Variants in ZNF577 observed in about 807,000 individuals in gnomAD.
ZNF577 encodes zinc finger protein 577.
ZNF577 carries 14 observed loss-of-function variants against 13.9 expected under a neutral mutation model. The observed-to-expected ratio is 1.00, with a 90% confidence interval of 0.66 to 1.57. ZNF577 has a LOEUF of 1.57. Ranked by LOEUF, ZNF577 falls within the 40% of genes most tolerant of loss-of-function variation. The pLI is 0.00. For missense variants in ZNF577, 555 were observed against 579.2 expected, an observed-to-expected ratio of 0.96 and a Z score of 0.43; for synonymous variants, 203 against 202.9, an observed-to-expected ratio of 1.00 and a Z score of 0.00.
At chr19:51,816,340 TG>T (rs1408400396) in intron 9 of ZNF577, among the ~76,000 whole-genome samples, 2 of 152,210 alleles carry the variant, frequency 1.3e-5, no homozygotes, top group African/African-American at 4.8e-5. Flanking sequence ...CTCTTCTTCC[TG>T]GGTTCAAATG....
intron 5 of ZNF577, among the ~76,000 whole-genome samples, chr19:51,857,414 G>GAA (rs879678980): frequency 2.1e-4 from 24 of 113,230 alleles, no homozygotes; most frequent in South Asian, 7.8e-4. Flanking sequence ...AAGAAAGAAA[G>GAA]AAAGAAAGAA....
At chr19:51,874,318 G>T (rs1021716936) in intron 5 of ZNF577, among the ~76,000 whole-genome samples, 1 of 152,084 alleles carries the variant, frequency 6.6e-6, no homozygotes, top group African/African-American at 2.4e-5. Flanking sequence ...GAATCAACAG[G>T]TATGCAAAGA....
intron 10 of ZNF577, among the ~76,000 whole-genome samples, chr19:51,806,369 T>C (rs537734953): frequency 1.3e-5 from 2 of 152,336 alleles, no homozygotes; most frequent in East Asian, 3.9e-4. Flanking sequence ...TTGTCCTTCT[T>C]CTGGGGATTT....
chr19:51,828,626 G>A (rs1306636742), intron 9 of ZNF577, among the ~76,000 whole-genome samples: 3 of 152,028 alleles, frequency 2.0e-5, no homozygotes, highest in Admixed American at 1.3e-4. Flanking sequence ...ATGATATATT[G>A]TGGGTTCAGG....
intron 5 of ZNF577, among the ~76,000 whole-genome samples, chr19:51,876,802 C>T (rs971230925): frequency 1.3e-5 from 2 of 151,968 alleles, no homozygotes; most frequent in African/African-American, 4.8e-5. Flanking sequence ...GTGGCCGGCA[C>T]CTGTAATCCC....
intron 8 of ZNF577, chr19:51,840,719 A>T (rs2084315579): frequency 6.6e-6 from 1 of 152,208 alleles, no homozygotes; most frequent in Non-Finnish European, 1.5e-5. Context: ...TATGAAAAGA[A>T]TGAACTTCAA....
chr19:51,824,946 T>C lies in ZNF577; in HGVS notation c.*600-13272A>G. 2 of 724,082 alleles carry C rather than the reference T, an allele frequency of 2.8e-6. No individual in the cohort carries two copies. Among genetic ancestry groups the C allele is most frequent in the Non-Finnish European group, 4.6e-6 (2 of 437,486 alleles). 44.9% of individuals were successfully genotyped at this position (724,082 alleles called of 1,614,324 possible). The stretch of plus-strand genomic sequence containing the variant: ...ACATAAAGGAAGTCTGTACCAAATC[T>C]GTAGGGGGTTTTTCCCACAACCAAG... On this transcript the variant is annotated intron_variant and NMD_transcript_variant, in intron 9 of 10. Coordinates refer to the ZNF577 transcript ENST00000638827. The surrounding 1 kb of genome is among the most constrained non-coding windows in gnomAD (Gnocchi z 4.7).
At chr19:51,859,036 C>A (rs943578721) in intron 5 of ZNF577, among the ~76,000 whole-genome samples, 1 of 152,096 alleles carries the variant, frequency 6.6e-6, no homozygotes, top group Non-Finnish European at 1.5e-5. Context: ...CACTAATTTG[C>A]TTTATTTCTC....
At chr19:51,865,004 CT>C (rs2122620208), downstream of ZNF577, among the ~76,000 whole-genome samples, 1 of 152,330 alleles carries the variant, frequency 6.6e-6, no homozygotes, top group Non-Finnish European at 1.5e-5. Context: ...AAAATGAAGT[CT>C]TCTCAGCTCT....
chr19:51,857,396 AAGAAAGAAAG>A (rs1260826580), intron 5 of ZNF577, among the ~76,000 whole-genome samples: 1 of 123,066 alleles, frequency 8.1e-6, no homozygotes, highest in Non-Finnish European at 1.6e-5. Flanking sequence ...GAAAGAAAGA[AAGAAAGAAAG>A]AAAGAAAGAA....
intron 5 of ZNF577, among the ~76,000 whole-genome samples, chr19:51,846,073 G>A (rs1252564185): frequency 6.6e-6 from 1 of 151,872 alleles, no homozygotes; most frequent in African/African-American, 2.4e-5. Flanking sequence ...GAGTGCAGTG[G>A]CACTGTCATG....
At chr19:51,847,601 G>C (rs2084359406) in intron 5 of ZNF577, among the ~76,000 whole-genome samples, 1 of 152,048 alleles carries the variant, frequency 6.6e-6, no homozygotes, top group South Asian at 2.1e-4. Flanking sequence ...GATATTTCAC[G>C]AGAAACGAGA....
downstream of ZNF577, chr19:51,863,266 T>G (rs551025781): frequency 1.1e-4 from 16 of 152,344 alleles, no homozygotes; most frequent in African/African-American, 3.8e-4. Flanking sequence ...AAGAATTGGT[T>G]ATAATTAGCA....
At chr19:51,861,827 C>A (rs1348905017) in intron 5 of ZNF577, 1 of 152,552 alleles carries the variant, frequency 6.6e-6, no homozygotes. Context: ...TGTATGAATT[C>A]TCTAATGTAC....
intron 10 of ZNF577, among the ~76,000 whole-genome samples, chr19:51,809,667 G>T (rs1374151427): frequency 6.6e-6 from 1 of 152,188 alleles, no homozygotes; most frequent in Non-Finnish European, 1.5e-5. Flanking sequence ...GTAATGCCCT[G>T]TAAGTTAAGG....
downstream of ZNF577, among the ~76,000 whole-genome samples, chr19:51,864,197 T>C (rs1422851116): frequency 1.3e-5 from 2 of 152,232 alleles, no homozygotes; most frequent in Admixed American, 1.3e-4. Context: ...TCATATAGCA[T>C]TTTTTAGACC....
rs188234431 is a variant in ZNF577, at chr19:51,871,598, G to A, written c.*934C>T. 1.8e-4 allele frequency: 27 copies of A among 152,250 alleles called. No individual in the cohort carries two copies. The highest frequency in any genetic ancestry group is 1.4e-3 in the Admixed American group (21 of 15,278). The allele number at this position is 152,250 out of a possible 1,614,324, so 9.4% of individuals were successfully genotyped here. A position where few individuals can be genotyped will look rare whatever the true frequency, so the allele number is the denominator to read the frequency against. ...TAACAATCATAGCATAAGATTCTCT[G>A]ATTATAGAATAAAATCTTAACATAC... On this transcript the variant is annotated 3_prime_UTR_variant, in exon 6 of 6. Coordinates refer to ENST00000638348, the MANE Select transcript of ZNF577 (RefSeq NM_001370449.1).
intron 5 of ZNF577, among the ~76,000 whole-genome samples, chr19:51,856,374 A>G (rs1289852431): frequency 6.6e-6 from 1 of 152,226 alleles, no homozygotes; most frequent in Non-Finnish European, 1.5e-5. Flanking sequence ...ACTGTTAAAA[A>G]TTCGAATATG....
intron 10 of ZNF577, among the ~76,000 whole-genome samples, chr19:51,810,434 A>G (rs1053649499): frequency 2.6e-5 from 4 of 152,160 alleles, no homozygotes; most frequent in South Asian, 2.1e-4. Context: ...TTGCATATGT[A>G]AAAAGGATTG....
Sources: gnomAD v4.1 joint callset for allele counts (sites outside exome capture counted in the v4.1 genomes callset) on GRCh38, gnomAD v4.1.1 for gene constraint, Gnocchi (gnomAD v3.1) non-coding constraint, MANE v1.5 for transcripts, NCBI Gene and HGNC (gene_info 2026-07-23, HGNC 2026-07-21) for gene names.